Variants in RTF2 observed in about 807,000 individuals in gnomAD.
The protein encoded by RTF2 is replication termination factor 2.
A neutral mutation model predicts 38.0 loss-of-function variants in RTF2; 18 were observed. That is an observed-to-expected ratio of 0.47 (90% CI 0.33 to 0.70). The LOEUF (loss-of-function observed/expected upper bound fraction) is 0.70, where lower values mean the gene tolerates loss of function less well. RTF2 is among the 30% of genes least tolerant of loss of function. The pLI, the probability that RTF2 is intolerant of heterozygous loss-of-function variation, is 0.02. For synonymous variants in RTF2, 126 were observed against 137.1 expected (o/e 0.92, Z 0.57); for missense variants, 311 against 379.6 (o/e 0.82, Z 1.50).
At chr20:56,514,587 A>G (rs1984900705) in intron 6 of RTF2, among the ~76,000 whole-genome samples, 1 of 152,188 alleles carries the variant, frequency 6.6e-6, no homozygotes, top group East Asian at 1.9e-4. Flanking sequence ...AAAAATCATA[A>G]CAAGACAGGA....
At position 56,518,217 on chromosome 20, in the gene RTF2, C is replaced by T. The variant is rs1464605185; in HGVS notation, c.873C>T (p.Ser291=). The T allele has an allele frequency of 6.2e-7, 1 of 1,614,134 alleles. No homozygotes were observed. The highest frequency in any genetic ancestry group is 1.3e-5 in the African/African-American group (1 of 75,056). ...CCACTCACAGCTCCGCCAAGCGCTCCAAGGAGGAGTCTGCCCACTGGGTCA... is the reference window on the plus strand; with the variant it reads ...CCACTCACAGCTCCGCCAAGCGCTCTAAGGAGGAGTCTGCCCACTGGGTCA... ...LFTTHSSAKR[S]KEESAHWVTH... Residue 291 remains serine (S), a synonymous_variant, in exon 9 of 9, where the codon TCC becomes TCT. Coordinates refer to ENST00000357348, the MANE Select transcript of RTF2 (RefSeq NM_016407.5).
chr20:56,512,098 C>T (rs879365768), intron 5 of RTF2, among the ~76,000 whole-genome samples: 9 of 152,126 alleles, frequency 5.9e-5, no homozygotes, highest in Non-Finnish European at 1.2e-4. Context: ...CCGCCCACCT[C>T]GACCTCCCAA....
chr20:56,515,599 GACACACACACACACAC>G (rs1196876364), intron 6 of RTF2: 9 of 49,004 alleles, frequency 1.8e-4, no homozygotes, highest in Middle Eastern at 0.011. Context: ...GAGAGAGAGA[GACACACACACACACAC>G]ACACACACAC....
intron 5 of RTF2, among the ~76,000 whole-genome samples, chr20:56,498,763 CT>C (rs577552409): frequency 3.9e-5 from 6 of 152,154 alleles, no homozygotes; most frequent in Non-Finnish European, 5.9e-5. Flanking sequence ...ATTTGTTTTT[CT>C]TGTTTATGAA....
intron 6 of RTF2, among the ~76,000 whole-genome samples, chr20:56,514,825 T>C (rs755778471): frequency 6.6e-6 from 1 of 152,020 alleles, no homozygotes; most frequent in Non-Finnish European, 1.5e-5. Context: ...CAGATGCGAG[T>C]AGAAATACTC....
chr20:56,491,535 C>A (rs929581532), intron 5 of RTF2: 2 of 1,389,406 alleles, frequency 1.4e-6, no homozygotes, highest in Non-Finnish European at 2.0e-6. Context: ...CAGAATGATA[C>A]CAGTAAGAAA....
chr20:56,475,738 A>G lies in RTF2; in HGVS notation c.258+967A>G, dbSNP rs149882580. ...TTGTTGTGACATCAGCACATTACCC[A>G]TCTGATGAGAAAAAAAAACAGTTAT... On this transcript the variant is annotated intron_variant, in intron 3 of 8. Transcript: ENST00000357348. Among the ~76,000 whole-genome samples, 728 of 152,262 alleles carry G rather than the reference A, an allele frequency of 4.8e-3. 5 individuals are homozygous for G. The highest frequency in any genetic ancestry group is 0.016 in the African/African-American group (685 of 41,540).
chr20:56,511,677 C>G lies in RTF2; in HGVS notation c.478-1638C>G, dbSNP rs186827476. On this transcript the variant is annotated intron_variant, in intron 5 of 8. Transcript: ENST00000357348. ...TGTACTGTATGATGCTTGCTGCATCCCTGGCCTCTACCCACAAGATGCCAA... is the reference window on the plus strand; with the variant it reads ...TGTACTGTATGATGCTTGCTGCATCGCTGGCCTCTACCCACAAGATGCCAA... 1.6e-3 allele frequency among the ~76,000 whole-genome samples: 236 copies of G among 152,190 alleles called. 2 individuals are homozygous for G. The highest frequency in any genetic ancestry group is 0.013 in the Admixed American group (195 of 15,282).
intron 4 of RTF2, among the ~76,000 whole-genome samples, chr20:56,483,329 T>G (rs1982619450): frequency 6.7e-6 from 1 of 149,364 alleles, no homozygotes; most frequent in Non-Finnish European, 1.5e-5. Context: ...TCCAATTGGA[T>G]ACTTTCAATC....
intron 1 of RTF2, 100 bp downstream of exon 1, chr20:56,468,866 G>T (rs1485684752): frequency 4.1e-6 from 4 of 969,466 alleles, no homozygotes; most frequent in Non-Finnish European, 6.3e-6. Flanking sequence ...CGGAGTTCCA[G>T]ACCTGGCTGC....
At chr20:56,499,375 G>A (rs1361986036) in intron 5 of RTF2, among the ~76,000 whole-genome samples, 3 of 151,702 alleles carry the variant, frequency 2.0e-5, no homozygotes, top group African/African-American at 7.3e-5. Flanking sequence ...TAGAGACAGG[G>A]TTTCACCATA....
intron 5 of RTF2, chr20:56,497,611 C>T (rs779143485): frequency 8.5e-5 from 111 of 1,300,686 alleles, no homozygotes; most frequent in Non-Finnish European, 6.8e-5. Flanking sequence ...TGGCTCATAT[C>T]TTGAGCTCCA....
At position 56,496,255 on chromosome 20, in the gene RTF2, A is replaced by G. The variant is rs1269598440; in HGVS notation, c.477+12066A>G. Among the ~76,000 whole-genome samples, 6 of 152,192 alleles carry G rather than the reference A, an allele frequency of 3.9e-5. No homozygotes were observed. The East Asian group carries it at 9.6e-4, about 24-fold the overall frequency. ...ATTGAAAAAATGTTCAATTTTTTCAATAAATCTTATGGCCGGGCGTGGTGG... is the reference window on the plus strand; with the variant it reads ...ATTGAAAAAATGTTCAATTTTTTCAGTAAATCTTATGGCCGGGCGTGGTGG... On this transcript the variant is annotated intron_variant, in intron 5 of 8. Transcript: ENST00000357348.
chr20:56,497,529 T>C, intron 5 of RTF2: 1 of 1,435,360 alleles, frequency 7.0e-7, no homozygotes, highest in Non-Finnish European at 9.3e-7. Flanking sequence ...AGGAGTTGGA[T>C]TCCTTAAGTA....
rs1296326700 is a variant in RTF2, at chr20:56,489,300, G to A, written c.477+5111G>A. On this transcript the variant is annotated intron_variant, in intron 5 of 8. Coordinates refer to ENST00000357348, the MANE Select transcript of RTF2 (RefSeq NM_016407.5). ...AGGCTGGTCTGAAACTCCTGACCTC[G>A]TGATCCACCCGCCTCAGCCTTCCAA... 2.0e-5 allele frequency among the ~76,000 whole-genome samples: 3 copies of A among 150,450 alleles called. No individual in the cohort carries two copies. The Admixed American group carries it at 2.0e-4, about 10-fold the overall frequency.
At chr20:56,509,115 G>A (rs1984469923) in intron 5 of RTF2, among the ~76,000 whole-genome samples, 1 of 152,136 alleles carries the variant, frequency 6.6e-6, no homozygotes, top group African/African-American at 2.4e-5. Context: ...AGAATATGCT[G>A]TATAAAGACC....
At chr20:56,508,706 G>A (rs890640804) in intron 5 of RTF2, among the ~76,000 whole-genome samples, 5 of 152,152 alleles carry the variant, frequency 3.3e-5, no homozygotes, top group African/African-American at 9.7e-5. Context: ...TAGGGAGTCC[G>A]GAAATAAACC....
chr20:56,472,521 A>G (rs1982026419), intron 1 of RTF2: 3 of 593,448 alleles, frequency 5.1e-6, no homozygotes, highest in Admixed American at 5.9e-5. Context: ...CAAAACACTT[A>G]TTTCTGTTAA....
chr20:56,499,054 G>A (rs1307578822), intron 5 of RTF2, among the ~76,000 whole-genome samples: 2 of 152,130 alleles, frequency 1.3e-5, no homozygotes, highest in Non-Finnish European at 2.9e-5. Flanking sequence ...TACCCATCAT[G>A]CTTCCAAAAT....
Sources: allele counts gnomAD v4.1 joint callset (sites outside exome capture counted in the v4.1 genomes callset), GRCh38; gene constraint gnomAD v4.1.1; transcripts MANE v1.5; gene names NCBI Gene and HGNC (gene_info 2026-07-23, HGNC 2026-07-21).